Variants in MBD5 observed in about 807,000 individuals in gnomAD.
The protein encoded by MBD5 is methyl-CpG binding domain protein 5, also known as methyl-CpG-binding domain protein 5.
MBD5 carries 13 observed loss-of-function variants against 117.3 expected under a neutral mutation model. The ratio of observed to expected loss-of-function variants is 0.11; its 90% CI spans 0.07 to 0.18. MBD5 has a LOEUF of 0.18. Among genes scored for constraint, MBD5 ranks in the 10% least tolerant of loss-of-function variants. The pLI is 1.00. For missense variants in MBD5, 1,879 were observed against 2,093.8 expected (o/e 0.90, Z 2.00); for synonymous variants, 727 against 766.4 (o/e 0.95, Z 0.85).
chr2:148,432,558 G>A (rs1706022616), intron 4 of MBD5, among the ~76,000 whole-genome samples: 1 of 152,202 alleles, frequency 6.6e-6, no homozygotes, highest in East Asian at 1.9e-4. Context: ...GTATAAGGTA[G>A]GGGTCCAGTT....
At position 148,207,144 on chromosome 2, in the gene MBD5, G is replaced by GACC. The variant is rs1379505861; in HGVS notation, c.-830-26098_-830-26096dup. Among the ~76,000 whole-genome samples the GACC allele has an allele frequency of 3.3e-5, 5 of 152,294 alleles. No homozygotes were observed. In the East Asian group the frequency reaches 9.6e-4, roughly 29 times the overall value. On this transcript the variant is annotated intron_variant, in intron 2 of 13. Transcript: ENST00000642680. ...GTGCAGGAGGGGCAAGGAGGTACAG[G>GACC]ACCACGTAACTTGCTTCAGTGCTTT... is the stretch of plus-strand genomic sequence containing the variant.
Position 148,462,689 on chromosome 2 carries a change from C to T in MBD5, c.216+5C>T. ...TGTCCTCTTATTCTTCCCAAGGTAA[C>T]CATTTCACAATAGATCTACAGCAGT... On this transcript the variant is annotated splice_donor_5th_base_variant and intron_variant, in intron 6 of 13. Transcript: ENST00000642680. 3.8e-6 allele frequency: 6 copies of T among 1,558,940 alleles called. No homozygotes were observed. Among genetic ancestry groups the T allele is most frequent in the Non-Finnish European group, 5.3e-6 (6 of 1,130,558 alleles).
chr2:148,360,772 T>C (rs1380840343), intron 4 of MBD5, among the ~76,000 whole-genome samples: 1 of 152,176 alleles, frequency 6.6e-6, no homozygotes, highest in Non-Finnish European at 1.5e-5. Context: ...GCTGGTATTT[T>C]TGTGACAGTC....
chr2:148,073,803 T>C (rs966891512), intron 1 of MBD5, among the ~76,000 whole-genome samples: 12 of 152,190 alleles, frequency 7.9e-5, no homozygotes, highest in African/African-American at 2.9e-4. Context: ...TGCCAAGTTA[T>C]GGACCTAGGC....
chr2:148,122,720 G>T (rs1696798460), intron 1 of MBD5, among the ~76,000 whole-genome samples: 1 of 152,148 alleles, frequency 6.6e-6, no homozygotes, highest in Non-Finnish European at 1.5e-5. Flanking sequence ...TTTGCCTATA[G>T]TTAGTAAACT....
At chr2:148,154,205 G>T (rs1697786037) in intron 1 of MBD5, among the ~76,000 whole-genome samples, 1 of 151,336 alleles carries the variant, frequency 6.6e-6, no homozygotes, top group East Asian at 2.0e-4. Context: ...GCCGTGTGAG[G>T]TGTCAGTCTG....
At chr2:148,511,922 T>G (rs1443451233) in intron 13 of MBD5, among the ~76,000 whole-genome samples, 1 of 152,222 alleles carries the variant, frequency 6.6e-6, no homozygotes, top group South Asian at 2.1e-4. Context: ...TTGAGCCAAC[T>G]TGTAGTGGAT....
At chr2:148,402,367 T>G (rs1319905127) in intron 4 of MBD5, among the ~76,000 whole-genome samples, 1 of 152,172 alleles carries the variant, frequency 6.6e-6, no homozygotes, top group East Asian at 1.9e-4. Context: ...CTTCTTTTAT[T>G]TTTAACAGCC....
chr2:148,479,030 T>C (rs992164960), intron 8 of MBD5, among the ~76,000 whole-genome samples: 1 of 152,224 alleles, frequency 6.6e-6, no homozygotes, highest in African/African-American at 2.4e-5. Context: ...AACTATGAAA[T>C]ACGTTCACCA....
chr2:148,331,154 T>A (rs1310849061), intron 3 of MBD5, among the ~76,000 whole-genome samples: 1 of 152,200 alleles, frequency 6.6e-6, no homozygotes, highest in Non-Finnish European at 1.5e-5. Context: ...TATAAAGTTG[T>A]ATGAGACAGC....
intron 4 of MBD5, among the ~76,000 whole-genome samples, chr2:148,407,954 T>TA (rs1705133166): frequency 6.6e-6 from 1 of 152,154 alleles, no homozygotes; most frequent in Non-Finnish European, 1.5e-5. Flanking sequence ...AGCCATGAGC[T>TA]AGAATTAATA....
At chr2:148,219,195 A>G (rs1484147170) in intron 2 of MBD5, among the ~76,000 whole-genome samples, 1 of 152,122 alleles carries the variant, frequency 6.6e-6, no homozygotes, top group African/African-American at 2.4e-5. Context: ...ACACAAACAC[A>G]CACATTAGGC....
At chr2:148,390,830 G>A (rs966689978) in intron 4 of MBD5, among the ~76,000 whole-genome samples, 2 of 152,004 alleles carry the variant, frequency 1.3e-5, no homozygotes, top group Non-Finnish European at 2.9e-5. Context: ...CAAAGTGCTG[G>A]GAAATCAGGC....
At chr2:148,232,381 G>C (rs1337771992) in intron 2 of MBD5, among the ~76,000 whole-genome samples, 2 of 152,184 alleles carry the variant, frequency 1.3e-5, no homozygotes, top group African/African-American at 4.8e-5. Flanking sequence ...GTGGATAGTA[G>C]AGTAGTAGAT....
chr2:148,499,498 C>T (rs2105205839), intron 11 of MBD5, among the ~76,000 whole-genome samples: 1 of 152,206 alleles, frequency 6.6e-6, no homozygotes, highest in South Asian at 2.1e-4. Context: ...AATGATAAAG[C>T]CCTCTCCTAA....
intron 12 of MBD5, among the ~76,000 whole-genome samples, chr2:148,508,302 C>A (rs965610386): frequency 5.3e-5 from 8 of 151,778 alleles, no homozygotes; most frequent in Non-Finnish European, 1.0e-4. Flanking sequence ...TTCTTATATA[C>A]CAGTTAGAAG....
chr2:148,273,357 TAA>T (rs1232187236), intron 3 of MBD5, among the ~76,000 whole-genome samples: 2 of 152,146 alleles, frequency 1.3e-5, no homozygotes, highest in African/African-American at 2.4e-5. Flanking sequence ...TCCACACAGT[TAA>T]AACTATGGTT....
At chr2:148,350,895 C>T (rs1703233581) in intron 4 of MBD5, among the ~76,000 whole-genome samples, 3 of 151,986 alleles carry the variant, frequency 2.0e-5, no homozygotes, top group East Asian at 3.9e-4. Context: ...CTAGTTGAGG[C>T]TGACTTTGTT....
intron 1 of MBD5, among the ~76,000 whole-genome samples, chr2:148,172,546 T>C (rs1698287329): frequency 6.6e-6 from 1 of 152,050 alleles, no homozygotes. Flanking sequence ...GCTGCCCTGG[T>C]TGACATGATT....
Sources: allele counts gnomAD v4.1 joint callset (sites outside exome capture counted in the v4.1 genomes callset), GRCh38; gene constraint gnomAD v4.1.1; transcripts MANE v1.5; gene names NCBI Gene and HGNC (gene_info 2026-07-23, HGNC 2026-07-21).